Variants in NDUFAF5 observed in about 807,000 individuals in gnomAD.
NDUFAF5 encodes the protein arginine-hydroxylase NDUFAF5, mitochondrial.
NDUFAF5 carries 34 observed loss-of-function variants against 48.9 expected under a neutral mutation model. The ratio of observed to expected loss-of-function variants is 0.70; its 90% confidence interval spans 0.53 to 0.93. The LOEUF (loss-of-function observed/expected upper bound fraction) is 0.93, where lower values mean the gene tolerates loss of function less well. Ranked by LOEUF, NDUFAF5 falls within the 40% of genes least tolerant of loss-of-function variation. The pLI is 0.00. For synonymous variants in NDUFAF5, 153 were observed against 150.6 expected, an observed-to-expected ratio of 1.02 and a Z score of -0.12; for missense variants, 428 against 427.5, an observed-to-expected ratio of 1.00 and a Z score of -0.01.
intron 4 of NDUFAF5, among the ~76,000 whole-genome samples, chr20:13,793,712 T>C (rs1982717077): frequency 6.6e-6 from 1 of 152,246 alleles, no homozygotes; most frequent in African/African-American, 2.4e-5. Context: ...GAAGCCACAT[T>C]GTATGTTTGA....
intron 8 of NDUFAF5, among the ~76,000 whole-genome samples, chr20:13,812,034 C>T (rs1034866149): frequency 6.6e-6 from 1 of 152,150 alleles, no homozygotes; most frequent in African/African-American, 2.4e-5. Flanking sequence ...GCTTAAGTTA[C>T]GAGTGAGAAT....
At chr20:13,808,819 T>C (rs1985441750) in intron 7 of NDUFAF5, 23 bp from the exon 8 acceptor site, 2 of 1,464,542 alleles carry the variant, frequency 1.4e-6, no homozygotes. Context: ...GTCAAATGAA[T>C]ATTTCTTTTT....
chr20:13,817,091 A>G, intron 10 of NDUFAF5, 27 bp from the exon 11 acceptor site: 1 of 1,601,072 alleles, frequency 6.2e-7, no homozygotes, highest in Non-Finnish European at 8.6e-7. Flanking sequence ...ATCTATTTCT[A>G]ATATCTTTAA....
At chr20:13,798,434 A>C in intron 5 of NDUFAF5, 27 bp from the exon 6 acceptor site, 1 of 1,581,658 alleles carries the variant, frequency 6.3e-7, no homozygotes, top group Non-Finnish European at 8.7e-7. Context: ...AGTTAAGCTA[A>C]AACAAATCTG....
chr20:13,813,190 T>C (rs1986077920), intron 8 of NDUFAF5, among the ~76,000 whole-genome samples: 1 of 152,220 alleles, frequency 6.6e-6, no homozygotes, highest in Non-Finnish European at 1.5e-5. Flanking sequence ...CCTCAGGTGA[T>C]CCACCCACCT....
chr20:13,814,285 T>C (rs891256106), intron 8 of NDUFAF5: 1 of 405,106 alleles, frequency 2.5e-6, no homozygotes, highest in South Asian at 1.9e-5. Context: ...TGGGAGACTT[T>C]CAGGTGTGCC....
chr20:13,788,682 T>C (rs1981649213), intron 3 of NDUFAF5, 30 bp downstream of exon 3: 3 of 1,446,674 alleles, frequency 2.1e-6, no homozygotes, highest in Admixed American at 3.3e-5. Context: ...TAATTTACTT[T>C]GAAAAGTAAC....
rs754885002 is a variant in NDUFAF5, at chr20:13,801,492, T to C, written c.526T>C (p.Tyr176His). 6.2e-7 allele frequency: 1 copy of C among 1,604,972 alleles called. No homozygotes were observed. The highest frequency in any genetic ancestry group is 1.1e-5 in the South Asian group (1 of 90,176). The change falls in exon 7 of 11, where the codon TAT becomes CAT. Residue 176 changes from tyrosine (Y) to histidine (H), a missense_variant. By Grantham distance (83) the Tyr-to-His change is moderately conservative. Transcript: ENST00000378106. The stretch of plus-strand genomic sequence containing the variant: ...TTTCTTGTATTTATTACAGATTCAT[T>C]ATATTTTAAAACCAGATGGAGTGTT... The part of the protein sequence containing the change: ...DLPRALEQIH[Y>H]ILKPDGVFIG...
chr20:13,815,987 T>G, intron 8 of NDUFAF5: 1 of 183,616 alleles, frequency 5.4e-6, no homozygotes, highest in Non-Finnish European at 1.2e-5. Context: ...GTAGCTTTGG[T>G]ACTATCTAAT....
At chr20:13,793,892 G>A (rs770349859) in intron 4 of NDUFAF5, among the ~76,000 whole-genome samples, 4 of 152,166 alleles carry the variant, frequency 2.6e-5, no homozygotes, top group African/African-American at 4.8e-5. Context: ...CAGCCTTTTC[G>A]TCTGGGTCAG....
intron 4 of NDUFAF5, among the ~76,000 whole-genome samples, chr20:13,793,655 C>T (rs1233012792): frequency 6.6e-6 from 1 of 152,108 alleles, no homozygotes; most frequent in African/African-American, 2.4e-5. Flanking sequence ...AGGGCAGTTA[C>T]GTTTCTAGTT....
chr20:13,789,289 C>T (rs139881226), intron 3 of NDUFAF5, among the ~76,000 whole-genome samples: 2,528 of 151,958 alleles, frequency 0.017, 21 homozygotes, highest in Non-Finnish European at 0.024. Flanking sequence ...CGCAGCCTCC[C>T]AAGTAGCTGG....
chr20:13,791,243 G>C (rs528767400), intron 3 of NDUFAF5, among the ~76,000 whole-genome samples: 1 of 152,322 alleles, frequency 6.6e-6, no homozygotes, highest in East Asian at 1.9e-4. Context: ...TTGAGGTTAA[G>C]AGCATTGACT....
chr20:13,798,458 T>G lies in NDUFAF5; in HGVS notation c.480-3T>G, dbSNP rs749288299. On this transcript the variant is annotated splice_region_variant and splice_polypyrimidine_tract_variant and intron_variant, in intron 5 of 10. Coordinates refer to ENST00000378106, the MANE Select transcript of NDUFAF5 (RefSeq NM_024120.5). ...AAAACAAATCTGTATTCTCATATTT[T>G]AGTTTGCATTGGGTGAATGACCTTC... 9.4e-5 allele frequency: 151 copies of G among 1,608,000 alleles called. No homozygotes were observed. The highest frequency in any genetic ancestry group is 1.2e-4 in the Non-Finnish European group (145 of 1,174,712).
At position 13,818,002 on chromosome 20, in the gene NDUFAF5, C is replaced by T. The variant is rs1401916239; in HGVS notation, c.*792C>T. The T allele has an allele frequency of 2.2e-6, 1 of 454,110 alleles. No homozygotes were observed. The highest frequency in any genetic ancestry group is 2.0e-5 in the African/African-American group (1 of 50,132). The allele number at this position is 454,110 out of a possible 1,614,324, so 28.1% of individuals were successfully genotyped here. ...GCTGAGAAGCAAGCAGGAGTGAGCGCTAAGTGTTTTGTTTCCAGTTAGCTG... is the reference window on the plus strand; with the variant it reads ...GCTGAGAAGCAAGCAGGAGTGAGCGTTAAGTGTTTTGTTTCCAGTTAGCTG... On this transcript the variant is annotated 3_prime_UTR_variant, in exon 11 of 11. Transcript: ENST00000378106.
At chr20:13,798,562 A>C (rs1019379759) in intron 6 of NDUFAF5, 62 bp downstream of exon 6, 19 of 1,267,200 alleles carry the variant, frequency 1.5e-5, no homozygotes, top group Non-Finnish European at 1.9e-5. Context: ...AGAAATCTAC[A>C]GATGTTTCTA....
chr20:13,796,219 C>T (rs1318904269), intron 5 of NDUFAF5, among the ~76,000 whole-genome samples: 1 of 152,178 alleles, frequency 6.6e-6, no homozygotes, highest in Non-Finnish European at 1.5e-5. Context: ...AAGCTGGTCA[C>T]CCTTGATGTT....
At chr20:13,808,489 T>C (rs911832531) in intron 7 of NDUFAF5, among the ~76,000 whole-genome samples, 1 of 152,200 alleles carries the variant, frequency 6.6e-6, no homozygotes, top group East Asian at 1.9e-4. Context: ...GGACATGTAG[T>C]CAGAACATGT....
chr20:13,811,230 G>T (rs771604773), intron 8 of NDUFAF5, among the ~76,000 whole-genome samples: 2 of 152,192 alleles, frequency 1.3e-5, no homozygotes, highest in African/African-American at 4.8e-5. Flanking sequence ...GGTGGTTCCA[G>T]TGTGGTCAGG....
Sources: allele counts gnomAD v4.1 joint callset (sites outside exome capture counted in the v4.1 genomes callset), GRCh38; gene constraint gnomAD v4.1.1; transcripts MANE v1.5; gene names NCBI Gene and HGNC (gene_info 2026-07-23, HGNC 2026-07-21).